The following KDM4B variants were observed in gnomAD, a reference collection of about 807,000 sequenced individuals.
KDM4B encodes lysine demethylase 4B.
Under a neutral mutation model 125.2 loss-of-function variants are expected in KDM4B, and 32 were observed. That is an observed-to-expected ratio of 0.26 (90% confidence interval 0.19 to 0.34). The LOEUF is 0.34. Among genes scored for constraint, KDM4B ranks in the 10% least tolerant of loss-of-function variants. The pLI, the probability that KDM4B is intolerant of heterozygous loss-of-function variation, is 1.00. For missense variants in KDM4B, 1,190 were observed against 1,577.7 expected, an observed-to-expected ratio of 0.75 and a Z score of 4.16; for synonymous variants, 721 against 677.9, an observed-to-expected ratio of 1.06 and a Z score of -0.99.
chr19:5,012,114 T>G, intron 1 of KDM4B, among the ~76,000 whole-genome samples: 1 of 152,196 alleles, frequency 6.6e-6, no homozygotes, highest in Non-Finnish European at 1.5e-5. Flanking sequence ...CCAGTTCTAT[T>G]CCTAGTGCCC....
rs1016512619 is a variant in KDM4B, at chr19:5,001,680, C to T, written c.-108-14577C>T. Among the ~76,000 whole-genome samples the T allele has an allele frequency of 3.9e-5, 6 of 152,172 alleles. No homozygotes were observed. The East Asian group carries it at 7.7e-4, about 20-fold the overall frequency. Reference sequence around the variant, plus strand: ...CTAAACACCCATGTAAGTCCTGTTCCGCCAGCTGTGTCGTCTGGGAGGGCC... The same window carrying T: ...CTAAACACCCATGTAAGTCCTGTTCTGCCAGCTGTGTCGTCTGGGAGGGCC... On this transcript the variant is annotated intron_variant, in intron 1 of 22. Coordinates refer to ENST00000159111, the MANE Select transcript of KDM4B (RefSeq NM_015015.3).
chr19:4,988,805 T>C (rs886920949), intron 1 of KDM4B, among the ~76,000 whole-genome samples: 3 of 152,162 alleles, frequency 2.0e-5, no homozygotes, highest in Admixed American at 6.5e-5. Flanking sequence ...ATCCCAGTCC[T>C]CCGGGTTTTA....
chr19:5,131,347 G>A lies in KDM4B; in HGVS notation c.1587G>A (p.Leu529=). The A allele has an allele frequency of 6.2e-7, 1 of 1,612,198 alleles. No homozygotes were observed. The highest frequency in any genetic ancestry group is 1.3e-5 in the African/African-American group (1 of 74,886). ...EAKPRPIIPM[L]YVVPRPGKAA... The stretch of plus-strand genomic sequence containing the variant: ...AGCCTCGGCCCATCATCCCCATGCT[G>A]TACGTGGTGCCGCGGCCGGGCAAGG... Residue 529 remains leucine, a synonymous_variant, in exon 12 of 23, where the codon CTG becomes CTA. Coordinates refer to ENST00000159111, the MANE Select transcript of KDM4B (RefSeq NM_015015.3).
rs921006799 is a variant in KDM4B, at chr19:5,114,856, C to T, written c.1115+4038C>T. Among the ~76,000 whole-genome samples, 2 of 152,256 alleles carry T rather than the reference C, an allele frequency of 1.3e-5. No homozygotes were observed. Among genetic ancestry groups the T allele is most frequent in the South Asian group, 2.1e-4 (1 of 4,830 alleles). On this transcript the variant is annotated intron_variant, in intron 10 of 22. Transcript: ENST00000159111. This position sits in a 1 kb window ranked among gnomAD's most constrained non-coding sequence, Gnocchi z 5.8. ...ACCCCGCCTCCTGCCATACAAGCTG[C>T]AAAGGACACCTGCTTCCACCTTGGA...
Position 5,131,293 on chromosome 19 carries a change from T to C in KDM4B, c.1533T>C (p.Pro511=), listed in dbSNP as rs764108115. 1.2e-6 allele frequency: 2 copies of C among 1,611,910 alleles called. No homozygotes were observed. The highest frequency in any genetic ancestry group is 1.7e-6 in the Non-Finnish European group (2 of 1,179,744). ...CGGCACCCCTTAATGTCGTGCCCCC[T>C]GAGGTGCCCAGTGAGGAGCTAGAGG... ...PLPAPLNVVP[P]EVPSEELEAK... is the part of the protein sequence containing the mutation. Residue 511 remains proline, a synonymous_variant, in exon 12 of 23, where the codon CCT becomes CCC. Coordinates refer to ENST00000159111, the MANE Select transcript of KDM4B (RefSeq NM_015015.3).
intron 6 of KDM4B, among the ~76,000 whole-genome samples, chr19:5,047,919 C>T (rs1280875141): frequency 1.3e-5 from 2 of 152,214 alleles, no homozygotes; most frequent in South Asian, 4.1e-4. Flanking sequence ...GAGTGCCCCC[C>T]ATTGAGCTGT....
At position 5,043,774 on chromosome 19, in the gene KDM4B, A is replaced by G. The variant is rs1227327347; in HGVS notation, c.432+2523A>G. On this transcript the variant is annotated intron_variant, in intron 5 of 22. Coordinates refer to ENST00000159111, the MANE Select transcript of KDM4B (RefSeq NM_015015.3). ...GTCCACTGTATCCCGCGTGGTGGTT[A>G]TCGGAGTGGGGTGTCCACCTTATCC... 8.5e-5 allele frequency among the ~76,000 whole-genome samples: 7 copies of G among 82,258 alleles called. 1 individual carries two copies. The highest frequency in any genetic ancestry group is 3.6e-4 in the Admixed American group (3 of 8,234). 54.0% of individuals were successfully genotyped at this position (82,258 alleles called of 152,430 possible).
At chr19:5,128,917 C>T (rs373812759) in intron 11 of KDM4B, among the ~76,000 whole-genome samples, 5 of 151,446 alleles carry the variant, frequency 3.3e-5, no homozygotes, top group African/African-American at 9.7e-5. Flanking sequence ...GGGAAGACTG[C>T]GCTCCCTGCA....
chr19:5,146,241 C>T (rs961648198), intron 21 of KDM4B, among the ~76,000 whole-genome samples: 5 of 151,518 alleles, frequency 3.3e-5, no homozygotes, highest in Non-Finnish European at 5.9e-5. Flanking sequence ...CCAGGACCCC[C>T]CCCGCTCCGC....
intron 5 of KDM4B, among the ~76,000 whole-genome samples, chr19:5,042,500 GAAAAA>G (rs536876348): frequency 9.8e-6 from 1 of 102,272 alleles, no homozygotes. Context: ...TACGTCACAA[GAAAAA>G]AAAAAAAAAA....
intron 14 of KDM4B, 121 bp from the exon 15 acceptor site, chr19:5,135,218 C>A: frequency 1.5e-6 from 1 of 653,590 alleles, no homozygotes; most frequent in Non-Finnish European, 2.7e-6. Context: ...TCTCCCCGAC[C>A]TCCCCCTCCA....
At chr19:4,977,523 C>T (rs968492382) in intron 1 of KDM4B, among the ~76,000 whole-genome samples, 1 of 152,222 alleles carries the variant, frequency 6.6e-6, no homozygotes, top group African/African-American at 2.4e-5. Context: ...GTGCTGGCAC[C>T]TTCCGAGCCG....
chr19:5,005,876 G>A (rs2035541260), intron 1 of KDM4B, among the ~76,000 whole-genome samples: 1 of 152,156 alleles, frequency 6.6e-6, no homozygotes, highest in Admixed American at 6.5e-5. Context: ...GTGATATGAG[G>A]GGCAGGGGTC....
intron 11 of KDM4B, among the ~76,000 whole-genome samples, chr19:5,124,715 C>T (rs1355894325): frequency 6.6e-6 from 1 of 152,210 alleles, no homozygotes; most frequent in Non-Finnish European, 1.5e-5. Context: ...CCTGCGTCAG[C>T]CTCCCAAGTA....
At chr19:4,985,698 C>G (rs2034803933) in intron 1 of KDM4B, among the ~76,000 whole-genome samples, 1 of 152,200 alleles carries the variant, frequency 6.6e-6, no homozygotes, top group African/African-American at 2.4e-5. Flanking sequence ...GCAGTGGAAG[C>G]CTGGATGGTG....
chr19:5,021,935 G>C (rs547458677), intron 2 of KDM4B, among the ~76,000 whole-genome samples: 3 of 152,258 alleles, frequency 2.0e-5, no homozygotes. Flanking sequence ...TATCCAGCCA[G>C]ATTTTTAATT....
intron 1 of KDM4B, among the ~76,000 whole-genome samples, chr19:4,969,824 G>A (rs2034188107): frequency 6.6e-6 from 1 of 150,844 alleles, no homozygotes; most frequent in Non-Finnish European, 1.5e-5. Context: ...TGCCTTGGTA[G>A]CTTCCAAACT....
At chr19:5,056,467 G>A (rs1451439823) in intron 6 of KDM4B, among the ~76,000 whole-genome samples, 2 of 149,124 alleles carry the variant, frequency 1.3e-5, no homozygotes, top group Non-Finnish European at 3.0e-5. Context: ...GTGCTGTGGT[G>A]TAATCTCGGC....
intron 6 of KDM4B, among the ~76,000 whole-genome samples, chr19:5,064,275 G>A (rs748540552): frequency 6.6e-6 from 1 of 152,234 alleles, no homozygotes; most frequent in South Asian, 2.1e-4. Context: ...AGCGTGACGT[G>A]CACGGGCTCT....
Sources: allele counts gnomAD v4.1 joint callset (sites outside exome capture counted in the v4.1 genomes callset), GRCh38; gene constraint gnomAD v4.1.1; non-coding constraint Gnocchi (gnomAD v3.1); transcripts MANE v1.5; gene names NCBI Gene and HGNC (gene_info 2026-07-23, HGNC 2026-07-21).